The following PPFIBP1 variants were observed in gnomAD, a reference collection of about 807,000 sequenced individuals.
The protein encoded by PPFIBP1 is PPFIB scaffold protein 1.
A neutral mutation model predicts 137.8 loss-of-function variants in PPFIBP1; 112 were observed. That is an observed-to-expected ratio of 0.81 (90% CI 0.70 to 0.95). PPFIBP1 has a LOEUF of 0.95. Ranked by LOEUF, PPFIBP1 falls within the 40% of genes least tolerant of loss-of-function variation. The pLI, the probability that PPFIBP1 is intolerant of heterozygous loss-of-function variation, is 0.00. For synonymous variants in PPFIBP1, 378 were observed against 417.3 expected (o/e 0.91, Z 1.15); for missense variants, 1,083 against 1,196.6 (o/e 0.91, Z 1.40).
At chr12:27,524,456 C>T (rs1317404979) in intron 1 of PPFIBP1, 91 bp downstream of exon 1, 2 of 142,246 alleles carry the variant, frequency 1.4e-5, no homozygotes, top group East Asian at 4.7e-4. Context: ...TCCTCTTCCC[C>T]GGGTCGATTT....
At chr12:27,615,568 G>A (rs1202429279) in intron 2 of PPFIBP1, among the ~76,000 whole-genome samples, 1 of 152,196 alleles carries the variant, frequency 6.6e-6, no homozygotes. Context: ...CTATAATAAG[G>A]TAATGATTCA....
At chr12:27,661,644 C>T (rs899096197) in intron 11 of PPFIBP1, among the ~76,000 whole-genome samples, 2 of 152,198 alleles carry the variant, frequency 1.3e-5, no homozygotes, top group Non-Finnish European at 2.9e-5. Flanking sequence ...CTTCTCTCCC[C>T]TTATCTGCCT....
rs575196204 is a variant in PPFIBP1, at chr12:27,661,241, A to G, written c.906+296A>G. ...GGATACATTCCATAGTACCTCCTGT[A>G]TGTGGGCACTGAAAATTCTGGGCTA... On this transcript the variant is annotated intron_variant, in intron 11 of 29. Coordinates refer to ENST00000228425, the MANE Select transcript of PPFIBP1 (RefSeq NM_003622.4). Among the ~76,000 whole-genome samples, 12 of 152,296 alleles carry G rather than the reference A, an allele frequency of 7.9e-5. 1 individual carries two copies. In the South Asian group the frequency reaches 2.3e-3, roughly 29 times the overall value.
At chr12:27,567,934 G>A (rs1293377798) in intron 1 of PPFIBP1, among the ~76,000 whole-genome samples, 3 of 152,114 alleles carry the variant, frequency 2.0e-5, no homozygotes. Flanking sequence ...GTATTGCTAT[G>A]TTGCCCAGGC....
At chr12:27,682,766 T>C in intron 24 of PPFIBP1, 63 bp downstream of exon 24, 1 of 1,611,120 alleles carries the variant, frequency 6.2e-7, no homozygotes, top group African/African-American at 1.3e-5. Context: ...AACACAGGAA[T>C]TGAGTAAGCC....
intron 1 of PPFIBP1, among the ~76,000 whole-genome samples, chr12:27,558,492 A>ACACACACAAACATACACC (rs2048889105): frequency 8.9e-6 from 1 of 112,598 alleles, no homozygotes; most frequent in African/African-American, 3.6e-5. Flanking sequence ...ACACACACAC[A>ACACACACAAACATACACC]CACGATATTC....
At chr12:27,676,764 T>G in intron 18 of PPFIBP1, 165 bp downstream of exon 18, 1 of 729,060 alleles carries the variant, frequency 1.4e-6, no homozygotes, top group Non-Finnish European at 2.3e-6. Flanking sequence ...GGATTTAATT[T>G]AGTGTTGTGA....
At chr12:27,608,781 C>T in intron 2 of PPFIBP1, 1 of 186,824 alleles carries the variant, frequency 5.4e-6, no homozygotes, top group South Asian at 9.3e-5. Context: ...AGGCTGGACT[C>T]TCCTTGTTTT....
chr12:27,630,367 A>G (rs1300742653), intron 2 of PPFIBP1, among the ~76,000 whole-genome samples: 2 of 152,186 alleles, frequency 1.3e-5, no homozygotes, highest in African/African-American at 4.8e-5. Flanking sequence ...CTGATGAATT[A>G]ACACTTATCA....
At chr12:27,594,486 T>C (rs2052956418) in intron 2 of PPFIBP1, among the ~76,000 whole-genome samples, 1 of 152,122 alleles carries the variant, frequency 6.6e-6, no homozygotes, top group Admixed American at 6.6e-5. Context: ...CCCCATTCCC[T>C]TTTCTATTCA....
At chr12:27,537,152 G>T (rs1945118154) in intron 1 of PPFIBP1, among the ~76,000 whole-genome samples, 1 of 150,996 alleles carries the variant, frequency 6.6e-6, no homozygotes, top group Non-Finnish European at 1.5e-5. Context: ...TTTTTTTTGA[G>T]ACGGAGTCTC....
intron 10 of PPFIBP1, among the ~76,000 whole-genome samples, chr12:27,660,022 A>AT (rs1429707504): frequency 6.6e-6 from 1 of 150,778 alleles, no homozygotes; most frequent in East Asian, 1.9e-4. Context: ...TCCTGTTTGA[A>AT]TTTTTTAGTT....
chr12:27,540,777 G>A (rs1240499975), intron 1 of PPFIBP1, among the ~76,000 whole-genome samples: 1 of 152,138 alleles, frequency 6.6e-6, no homozygotes, highest in Non-Finnish European at 1.5e-5. Context: ...TCTTTTTAAT[G>A]TATTTGATAT....
At chr12:27,686,878 A>C in intron 24 of PPFIBP1, among the ~76,000 whole-genome samples, 1 of 152,126 alleles carries the variant, frequency 6.6e-6, no homozygotes. Flanking sequence ...TCTCCAAAAA[A>C]AAAAAAGATG....
In PPFIBP1 at chr12:27,692,904, T is replaced by C; in HGVS notation, c.*22T>C. 6.2e-7 allele frequency: 1 copy of C among 1,613,598 alleles called. No individual in the cohort carries two copies. The highest frequency in any genetic ancestry group is 8.5e-7 in the Non-Finnish European group (1 of 1,179,808). On this transcript the variant is annotated 3_prime_UTR_variant, in exon 30 of 30. Coordinates refer to ENST00000228425, the MANE Select transcript of PPFIBP1 (RefSeq NM_003622.4). The stretch of plus-strand genomic sequence containing the variant: ...TTGACCGTAGCACCTGGATGAACAT[T>C]AGGAGTGCTTAGTCTTTTTTCTACT...
chr12:27,638,120 T>A (rs1248223632), intron 4 of PPFIBP1, among the ~76,000 whole-genome samples: 2 of 151,752 alleles, frequency 1.3e-5, no homozygotes, highest in Non-Finnish European at 2.9e-5. Context: ...ATGAAAAGAG[T>A]TAATTAGATG....
intron 1 of PPFIBP1, among the ~76,000 whole-genome samples, chr12:27,530,080 G>T (rs1198511503): frequency 6.6e-6 from 1 of 152,176 alleles, no homozygotes; most frequent in Non-Finnish European, 1.5e-5. Flanking sequence ...AAACTCTGTG[G>T]TCTACTTTTT....
intron 13 of PPFIBP1, among the ~76,000 whole-genome samples, chr12:27,670,744 A>G (rs1008056653): frequency 1.3e-5 from 2 of 151,198 alleles, no homozygotes; most frequent in Non-Finnish European, 2.9e-5. Flanking sequence ...GCAGCACTGT[A>G]CTTTAGTGTG....
At chr12:27,567,085 G>C (rs923402846) in intron 1 of PPFIBP1, among the ~76,000 whole-genome samples, 3 of 152,146 alleles carry the variant, frequency 2.0e-5, no homozygotes, top group Non-Finnish European at 4.4e-5. Context: ...TATCAATAAA[G>C]GGCAGAATAT....
Sources: allele counts gnomAD v4.1 joint callset (sites outside exome capture counted in the v4.1 genomes callset), GRCh38; gene constraint gnomAD v4.1.1; transcripts MANE v1.5; gene names NCBI Gene and HGNC (gene_info 2026-07-23, HGNC 2026-07-21).